THBS1: variants seen among roughly 807,000 people sequenced by gnomAD.
The protein encoded by THBS1 is thrombospondin 1.
A neutral mutation model predicts 126.1 loss-of-function variants in THBS1; 29 were observed. The ratio of observed to expected loss-of-function variants is 0.23; its 90% CI spans 0.17 to 0.31. The LOEUF is 0.31. Ranked by LOEUF, THBS1 falls within the 10% of genes least tolerant of loss-of-function variation. The probability of loss-of-function intolerance (pLI) is 1.00; values close to 1 mark genes in which losing one functional copy is unlikely to be tolerated. For synonymous variants in THBS1, 496 were observed against 577.8 expected, an observed-to-expected ratio of 0.86 and a Z score of 2.03; for missense variants, 1,198 against 1,545.2, an observed-to-expected ratio of 0.78 and a Z score of 3.77.
rs775823419 is a variant in THBS1, at chr15:39,591,254, C to T, written c.2317C>T (p.Arg773Cys). 1.2e-6 allele frequency: 2 copies of T among 1,614,140 alleles called. No individual in the cohort carries two copies. The highest frequency in any genetic ancestry group is 1.1e-5 in the South Asian group (1 of 91,086). Residue 773 changes from arginine (R) to cysteine (C), a missense_variant, in exon 15 of 22, where the codon CGC becomes TGC. Physicochemically the swap from Arg to Cys is radical, Grantham distance 180. Coordinates refer to ENST00000260356, the MANE Select transcript of THBS1 (RefSeq NM_003246.4). ...CTATGACAGAGATGATGTGGGAGAC[C>T]GCTGTGACAACTGTCCCTACAACCA... ...YDYDRDDVGD[R>C]CDNCPYNHNP...
In THBS1 at chr15:39,589,405, C is replaced by T. The variant is rs918934835; in HGVS notation, c.1926+51C>T. On this transcript the variant is annotated intron_variant, in intron 12 of 21. Coordinates refer to ENST00000260356, the MANE Select transcript of THBS1 (RefSeq NM_003246.4). The surrounding 1 kb of genome is among the most constrained non-coding windows in gnomAD (Gnocchi z 4.7). ...AGAGGACAGGAGAGCTGTCCTTGAC[C>T]AAAATAACTGGGAGCGGGAGGAATG... The T allele has an allele frequency of 6.3e-7, 1 of 1,598,980 alleles. No individual in the cohort carries two copies. The highest frequency in any genetic ancestry group is 1.3e-5 in the African/African-American group (1 of 74,268).
chr15:39,587,311 C>A, intron 7 of THBS1, 36 bp from the exon 8 acceptor site: 1 of 1,586,462 alleles, frequency 6.3e-7, no homozygotes, highest in Non-Finnish European at 8.6e-7. Flanking sequence ...TTGTCCTAAT[C>A]ATCACGTACC....
intron 6 of THBS1, 134 bp downstream of exon 6, chr15:39,584,556 T>C: frequency 8.2e-7 from 1 of 1,223,666 alleles, no homozygotes; most frequent in Non-Finnish European, 1.1e-6. Context: ...TTTTTTTTCT[T>C]TAAGATGCAA....
In THBS1 at chr15:39,595,700, G is replaced by A. The variant is rs998734420; in HGVS notation, c.*331G>A. The stretch of plus-strand genomic sequence containing the variant: ...GTCACAGAGCAGGGTGCTATTGTGA[G>A]GCCATCTCTGAGCAGTGGACTCAAA... On this transcript the variant is annotated 3_prime_UTR_variant, in exon 22 of 22. Coordinates refer to ENST00000260356, the MANE Select transcript of THBS1 (RefSeq NM_003246.4). The A allele has an allele frequency of 1.9e-6, 1 of 529,504 alleles. No homozygotes were observed. The highest frequency in any genetic ancestry group is 2.9e-4 in the Middle Eastern group (1 of 3,456). The allele number at this position is 529,504 out of a possible 1,614,324, so 32.8% of individuals were successfully genotyped here. A position where few individuals can be genotyped will look rare whatever the true frequency, so the allele number is the denominator to read the frequency against.
chr15:39,586,457 T>G (rs1359083762), intron 7 of THBS1: 2 of 152,240 alleles, frequency 1.3e-5, no homozygotes, highest in East Asian at 3.8e-4. Context: ...CCACAGAAAG[T>G]AAGTTCTTTG....
chr15:39,589,680 G>A lies in THBS1; in HGVS notation c.1927-125G>A. 9.3e-7 allele frequency: 1 copy of A among 1,074,498 alleles called. No individual in the cohort carries two copies. The allele number at this position is 1,074,498 out of a possible 1,614,324, so 66.6% of individuals were successfully genotyped here. On this transcript the variant is annotated intron_variant, in intron 12 of 21. Transcript: ENST00000260356. The surrounding 1 kb of genome is among the most constrained non-coding windows in gnomAD (Gnocchi z 4.7). ...TCAGGGAGAATGGGGAGGGACAGAG[G>A]TAACCCACACTCTTCCAAATGGAGC...
rs531086949 is a variant in THBS1, at chr15:39,581,480, C to T, written c.-30+252C>T. On this transcript the variant is annotated intron_variant, in intron 1 of 21. Coordinates refer to ENST00000260356, the MANE Select transcript of THBS1 (RefSeq NM_003246.4). ...CTTACTCTCTGAAGTCCTCCTTAAG[C>T]CTTTGTATCAGCACTCCAGGGAAGA... 2.0e-5 allele frequency among the ~76,000 whole-genome samples: 3 copies of T among 151,468 alleles called. No individual in the cohort carries two copies. In the East Asian group the frequency reaches 5.8e-4, roughly 29 times the overall value.
chr15:39,591,733 T>G, intron 16 of THBS1, 110 bp downstream of exon 16: 1 of 1,027,612 alleles, frequency 9.7e-7, no homozygotes, highest in Non-Finnish European at 1.5e-6. Flanking sequence ...TTACTGTGGC[T>G]CCCTGGCTTC....
intron 6 of THBS1, 95 bp from the exon 7 acceptor site, chr15:39,585,375 C>T: frequency 9.1e-7 from 1 of 1,101,444 alleles, no homozygotes; most frequent in South Asian, 1.3e-5. Context: ...CAGCCCTGAC[C>T]ATGTTTTGGC....
rs539481543 is a variant in THBS1, at chr15:39,594,546, G to A, written c.3505+106G>A. On this transcript the variant is annotated intron_variant, in intron 21 of 21. Coordinates refer to ENST00000260356, the MANE Select transcript of THBS1 (RefSeq NM_003246.4). The surrounding 1 kb of genome is among the most constrained non-coding windows in gnomAD (Gnocchi z 4.4). ...CAGTGTAAAGACTGTTTTGGAGACA[G>A]GGTTATTTCTATTTTGCTTTTGAGG... The A allele has an allele frequency of 5.5e-6, 8 of 1,465,658 alleles. No homozygotes were observed. The highest frequency in any genetic ancestry group is 4.6e-4 in the Middle Eastern group (2 of 4,370). The allele number at this position is 1,465,658 out of a possible 1,614,324, so 90.8% of individuals were successfully genotyped here.
chr15:39,597,280 G>GTTTTTTTTTTTTTTTTTT lies in THBS1; in HGVS notation c.*1915_*1932dup. The GTTTTTTTTTTTTTTTTTT allele has an allele frequency of 4.2e-5, 2 of 48,044 alleles. No homozygotes were observed. The highest frequency in any genetic ancestry group is 8.0e-5 in the African/African-American group (1 of 12,474). 3.0% of individuals were successfully genotyped at this position (48,044 alleles called of 1,614,324 possible). On this transcript the variant is annotated 3_prime_UTR_variant, in exon 22 of 22. Coordinates refer to ENST00000260356, the MANE Select transcript of THBS1 (RefSeq NM_003246.4). ...GTTGGTTTTTTCTTTTTTTTGTTTT[G>GTTTTTTTTTTTTTTTTTT]TTTTTTTTTTTTTTTTTTTTTGCTT...
In THBS1 at chr15:39,582,596, C is replaced by T; in HGVS notation, c.471C>T (p.Thr157=). The T allele has an allele frequency of 6.2e-7, 1 of 1,614,116 alleles. No individual in the cohort carries two copies. Among genetic ancestry groups the T allele is most frequent in the Non-Finnish European group, 8.5e-7 (1 of 1,180,028 alleles). Residue 157 remains threonine, a synonymous_variant, in exon 3 of 22, where the codon ACC becomes ACT. Coordinates refer to ENST00000260356, the MANE Select transcript of THBS1 (RefSeq NM_003246.4). ...LLATGQWKSI[T]LFVQEDRAQL... The stretch of plus-strand genomic sequence containing the variant: ...CAACCGGCCAGTGGAAGAGCATCAC[C>T]CTGTTTGTGCAGGAAGACAGGGCCC...
At chr15:39,588,912 G>A in intron 10 of THBS1, 47 bp from the exon 11 acceptor site, 1 of 1,614,138 alleles carries the variant, frequency 6.2e-7, no homozygotes, top group Non-Finnish European at 8.5e-7. Context: ...CAGTATGGCA[G>A]CTTAGACCAA....
In THBS1 at chr15:39,594,065, T is replaced by C; in HGVS notation, c.3268-34T>C. 1.9e-6 allele frequency: 3 copies of C among 1,584,448 alleles called. No individual in the cohort carries two copies. The highest frequency in any genetic ancestry group is 1.7e-4 in the Middle Eastern group (1 of 6,018). ...AATAGAAATCTTTACCTGAAGGAGC[T>C]GTGTTTCAACCTTTCCTTTTCCTTT... On this transcript the variant is annotated intron_variant, in intron 19 of 21. Transcript: ENST00000260356. This position sits in a 1 kb window ranked among gnomAD's most constrained non-coding sequence, Gnocchi z 4.4.
In THBS1 at chr15:39,592,912, C is replaced by A; in HGVS notation, c.2768-88C>A. 1.3e-6 allele frequency: 2 copies of A among 1,540,734 alleles called. No individual in the cohort carries two copies. The highest frequency in any genetic ancestry group is 1.2e-5 in the South Asian group (1 of 86,142). The stretch of plus-strand genomic sequence containing the variant: ...TTGACAGGATGAAGGGACCAAATGC[C>A]AACTTAGACAAGATAGTGACATTTC... On this transcript the variant is annotated intron_variant, in intron 17 of 21. Transcript: ENST00000260356. The surrounding 1 kb of genome is among the most constrained non-coding windows in gnomAD (Gnocchi z 4.3).
chr15:39,583,792 C>G, intron 4 of THBS1, 100 bp downstream of exon 4: 1 of 1,351,068 alleles, frequency 7.4e-7, no homozygotes. Context: ...ATAAATTACC[C>G]CCAGTGAGAT....
intron 6 of THBS1, 51 bp downstream of exon 6, chr15:39,584,473 C>T (rs746105593): frequency 6.2e-7 from 1 of 1,607,964 alleles, no homozygotes; most frequent in South Asian, 1.1e-5. Flanking sequence ...TTGTTTGAAC[C>T]TACATCTTTG....
chr15:39,581,602 GC>G (rs902586912), intron 1 of THBS1: 3 of 421,232 alleles, frequency 7.1e-6, no homozygotes, highest in East Asian at 3.7e-5. Flanking sequence ...TTGGTCTTGC[GC>G]CCCCCACACT....
In THBS1 at chr15:39,589,313, C is replaced by T; in HGVS notation, c.1885C>T (p.Pro629Ser). ...CCCCCCACGCTTCACCGGCTCACAG[C>T]CCTTCGGCCAGGGTGTCGAACATGC... ...PCPPRFTGSQPFGQGVEHATA... is the reference protein window; with the variant it reads ...PCPPRFTGSQSFGQGVEHATA... The change falls in exon 12 of 22, where the codon CCC becomes TCC. Residue 629 changes from proline (P) to serine (S), a missense_variant. By Grantham distance (74) the Pro-to-Ser change is moderately conservative. Transcript: ENST00000260356. The surrounding 1 kb of genome is among the most constrained non-coding windows in gnomAD (Gnocchi z 4.7). 1.9e-6 allele frequency: 3 copies of T among 1,614,074 alleles called. No individual in the cohort carries two copies. The highest frequency in any genetic ancestry group is 2.5e-6 in the Non-Finnish European group (3 of 1,180,036).
Sources: gnomAD v4.1 joint callset for allele counts (sites outside exome capture counted in the v4.1 genomes callset) on GRCh38, gnomAD v4.1.1 for gene constraint, Gnocchi (gnomAD v3.1) non-coding constraint, MANE v1.5 for transcripts, NCBI Gene and HGNC (gene_info 2026-07-23, HGNC 2026-07-21) for gene names.